Variants in RBMS2 observed in about 807,000 individuals in gnomAD.
The protein encoded by RBMS2 is RNA binding motif single stranded interacting protein 2, also known as RNA-binding motif, single-stranded-interacting protein 2.
RBMS2 carries 38 observed loss-of-function variants against 58.4 expected under a neutral mutation model. That is an observed-to-expected ratio of 0.65 (90% CI 0.50 to 0.85). The LOEUF is 0.85. RBMS2 is among the 40% of genes least tolerant of loss of function. The probability of loss-of-function intolerance (pLI) is 0.00; values close to 1 mark genes in which losing one functional copy is unlikely to be tolerated. For missense variants in RBMS2, 367 were observed against 503.7 expected (o/e 0.73, Z 2.60); for synonymous variants, 151 against 180.7 (o/e 0.84, Z 1.32).
At chr12:56,567,044 T>C (rs960179238) in intron 2 of RBMS2, among the ~76,000 whole-genome samples, 1 of 152,000 alleles carries the variant, frequency 6.6e-6, no homozygotes, top group Admixed American at 6.6e-5. Flanking sequence ...ACCTTTGCAA[T>C]TATTTTATCT....
chr12:56,526,443 A>G (rs1275318345), intron 1 of RBMS2, among the ~76,000 whole-genome samples: 2 of 152,034 alleles, frequency 1.3e-5, no homozygotes, highest in South Asian at 2.1e-4. Context: ...CTTACTCTTT[A>G]TTGGCTGGTG....
intron 1 of RBMS2, among the ~76,000 whole-genome samples, chr12:56,527,577 A>C (rs543629205): frequency 6.6e-6 from 1 of 152,250 alleles, no homozygotes; most frequent in African/African-American, 2.4e-5. Flanking sequence ...GCGCCATTGC[A>C]CTTCAGCCCG....
intron 10 of RBMS2, 100 bp from the exon 11 acceptor site, chr12:56,587,454 T>C: frequency 7.9e-7 from 1 of 1,269,312 alleles, no homozygotes; most frequent in Non-Finnish European, 1.1e-6. Context: ...CCCAGGATTC[T>C]TAAATGTCTG....
intron 9 of RBMS2, among the ~76,000 whole-genome samples, chr12:56,584,700 G>T (rs1476192741): frequency 6.6e-6 from 1 of 151,924 alleles, no homozygotes; most frequent in Non-Finnish European, 1.5e-5. Flanking sequence ...CAGGAGAATG[G>T]CGTGAACCTG....
intron 9 of RBMS2, among the ~76,000 whole-genome samples, chr12:56,583,523 G>A (rs1884258958): frequency 1.3e-5 from 2 of 152,014 alleles, no homozygotes; most frequent in Admixed American, 6.6e-5. Context: ...GCATGGTGGC[G>A]GGCGCCTGTA....
At chr12:56,587,811 G>A in intron 11 of RBMS2, 147 bp downstream of exon 11, 1 of 1,240,652 alleles carries the variant, frequency 8.1e-7, no homozygotes, top group Non-Finnish European at 1.1e-6. Flanking sequence ...AAACTACAAT[G>A]GTAGTGCTCC....
chr12:56,582,008 T>A, intron 8 of RBMS2, 51 bp from the exon 9 acceptor site: 1 of 1,565,536 alleles, frequency 6.4e-7, no homozygotes, highest in Non-Finnish European at 8.8e-7. Flanking sequence ...GTTGGGACCC[T>A]TCCCTTGTGG....
At chr12:56,570,136 C>A (rs1882045878) in intron 4 of RBMS2, 146 bp downstream of exon 4, 1 of 644,584 alleles carries the variant, frequency 1.6e-6, no homozygotes, top group South Asian at 2.0e-5. Flanking sequence ...TCCATGAGCA[C>A]CCCTGGCTGC....
rs150016078 is a variant in RBMS2, at chr12:56,537,109, C to A, written c.66+15020C>A. Among the ~76,000 whole-genome samples the A allele has an allele frequency of 1.9e-4, 29 of 151,886 alleles. No homozygotes were observed. In the South Asian group the frequency reaches 5.6e-3, roughly 29 times the overall value. ...CTAATTTTTGTATTTTTAGTAGAGA[C>A]GAGTTTTCACCAGGTTGGTCAGGCT... On this transcript the variant is annotated intron_variant, in intron 1 of 13. Coordinates refer to ENST00000262031, the MANE Select transcript of RBMS2 (RefSeq NM_002898.4).
chr12:56,566,799 C>T (rs1333223977), intron 2 of RBMS2, among the ~76,000 whole-genome samples: 1 of 152,118 alleles, frequency 6.6e-6, no homozygotes. Context: ...GCCTGGGCAA[C>T]AAGAGTGAAA....
At chr12:56,552,953 G>C (rs1461883029) in intron 1 of RBMS2, among the ~76,000 whole-genome samples, 1 of 119,548 alleles carries the variant, frequency 8.4e-6, no homozygotes, top group Non-Finnish European at 1.6e-5. Context: ...TTTTGAGACA[G>C]AGTCTCGCTT....
intron 1 of RBMS2, among the ~76,000 whole-genome samples, chr12:56,561,755 T>TCC (rs1330585422): frequency 1.3e-4 from 4 of 30,632 alleles, no homozygotes; most frequent in African/African-American, 2.4e-4. Context: ...GACCTCGTGA[T>TCC]CCACCCCCCC....
rs1415632833 is a variant in RBMS2 at position 56,576,473 on chromosome 12, A to C, written c.542+4618A>C. On this transcript the variant is annotated intron_variant, in intron 5 of 13. Transcript: ENST00000262031. ...GCCATCAGATGAAAAAGCGTAGTATATCTAGGGTTTGGTACTATCCATGGT... is the reference window on the plus strand; with the variant it reads ...GCCATCAGATGAAAAAGCGTAGTATCTCTAGGGTTTGGTACTATCCATGGT... 2.6e-5 allele frequency among the ~76,000 whole-genome samples: 4 copies of C among 152,176 alleles called. No homozygotes were observed. The East Asian group carries it at 7.7e-4, about 29-fold the overall frequency.
At position 56,595,312 on chromosome 12, in the gene RBMS2, C is replaced by T. The variant is rs1466404251; in HGVS notation, c.*6179C>T. On this transcript the variant is annotated 3_prime_UTR_variant, in exon 14 of 14. Transcript: ENST00000262031. ...TTCCAGGCTGGAGGGTAATACATAT[C>T]CAGCGCGAGTGAAGTCCCCACTCCA... 1 of 152,152 alleles carries T rather than the reference C, an allele frequency of 6.6e-6. No individual in the cohort carries two copies. Among genetic ancestry groups the T allele is most frequent in the Non-Finnish European group, 1.5e-5 (1 of 68,034 alleles). The allele number at this position is 152,152 out of a possible 1,614,324, so 9.4% of individuals were successfully genotyped here.
chr12:56,562,604 G>A (rs764040918), intron 2 of RBMS2, 21 bp downstream of exon 2: 12 of 1,605,904 alleles, frequency 7.5e-6, no homozygotes, highest in Admixed American at 6.7e-5. Flanking sequence ...GTACATGTGC[G>A]TAGGCTTCCA....
rs757227658 is a variant in RBMS2, at chr12:56,571,871, G to A, written c.542+16G>A. On this transcript the variant is annotated intron_variant, in intron 5 of 13. Transcript: ENST00000262031. ...GCTTTGCAAGGTGAGGATGGCAGGAGTGGGGAAATGATGAGGTTAATAACA... is the reference window on the plus strand; with the variant it reads ...GCTTTGCAAGGTGAGGATGGCAGGAATGGGGAAATGATGAGGTTAATAACA... The A allele has an allele frequency of 1.3e-6, 2 of 1,513,788 alleles. No individual in the cohort carries two copies. Among genetic ancestry groups the A allele is most frequent in the Admixed American group, 2.2e-5 (1 of 45,828 alleles). The allele number at this position is 1,513,788 out of a possible 1,614,324, so 93.8% of individuals were successfully genotyped here. A position where few individuals can be genotyped will look rare whatever the true frequency, so the allele number is the denominator to read the frequency against.
At position 56,569,857 on chromosome 12, in the gene RBMS2, T is replaced by G. The variant is rs1881989608; in HGVS notation, c.293-42T>G. ...GAAAAGCCTGGACCTCTCTGTTCCT[T>G]ACACCTCCCACTTCCTAGTGATGCT... is the stretch of plus-strand genomic sequence containing the variant. On this transcript the variant is annotated intron_variant, in intron 3 of 13. Coordinates refer to ENST00000262031, the MANE Select transcript of RBMS2 (RefSeq NM_002898.4). 6 of 1,529,716 alleles carry G rather than the reference T, an allele frequency of 3.9e-6. No individual in the cohort carries two copies. In the East Asian group the frequency reaches 1.4e-4, roughly 34 times the overall value. 94.8% of individuals were successfully genotyped at this position (1,529,716 alleles called of 1,614,324 possible).
chr12:56,521,523 T>C (rs1236384180), upstream of RBMS2, among the ~76,000 whole-genome samples: 3 of 122,116 alleles, frequency 2.5e-5, no homozygotes, highest in Non-Finnish European at 3.7e-5. Flanking sequence ...TTTTTTTTTT[T>C]GCGTGTTCTC....
intron 5 of RBMS2, among the ~76,000 whole-genome samples, chr12:56,573,446 C>T (rs1486760111): frequency 7.3e-6 from 1 of 137,730 alleles, no homozygotes; most frequent in Non-Finnish European, 1.5e-5. Flanking sequence ...CATTGCATTC[C>T]AGCCTGGGCA....
Sources: gnomAD v4.1 joint callset for allele counts (sites outside exome capture counted in the v4.1 genomes callset) on GRCh38, gnomAD v4.1.1 for gene constraint, MANE v1.5 for transcripts, NCBI Gene and HGNC (gene_info 2026-07-23, HGNC 2026-07-21) for gene names.